RAB14: variants seen among roughly 807,000 people sequenced by gnomAD.
RAB14 encodes RAB14, member RAS oncogene family.
RAB14 carries 3 observed loss-of-function variants against 31.1 expected under a neutral mutation model. The ratio of observed to expected loss-of-function variants is 0.10; its 90% confidence interval spans 0.04 to 0.25. RAB14 has a LOEUF of 0.25. RAB14 is among the 10% of genes least tolerant of loss of function. The probability of loss-of-function intolerance (pLI) is 1.00; values close to 1 mark genes in which losing one functional copy is unlikely to be tolerated. For missense variants in RAB14, 111 were observed against 260.1 expected (o/e 0.43, Z 3.94); for synonymous variants, 85 against 84.9 (o/e 1.00, Z 0.00).
intron 6 of RAB14, 53 bp downstream of exon 6, chr9:121,183,258 C>T (rs2053643278): frequency 7.0e-7 from 1 of 1,436,394 alleles, no homozygotes; most frequent in Non-Finnish European, 9.6e-7. Flanking sequence ...GTCAAGCCCA[C>T]CTTTCCTTAA....
At chr9:121,194,150 G>C (rs1441537704) in intron 1 of RAB14, among the ~76,000 whole-genome samples, 1 of 148,794 alleles carries the variant, frequency 6.7e-6, no homozygotes, top group African/African-American at 2.5e-5. Context: ...GACCAGGCTG[G>C]TCTTGGGTCT....
chr9:121,190,509 G>A, intron 4 of RAB14, 45 bp downstream of exon 4: 1 of 1,500,260 alleles, frequency 6.7e-7, no homozygotes, highest in Non-Finnish European at 9.0e-7. Context: ...AATGCCCAAA[G>A]TAGATTTATT....
In RAB14 at chr9:121,179,057, A is replaced by C. The variant is rs1455749427; in HGVS notation, c.*2339T>G. 6.6e-6 allele frequency: 1 copy of C among 152,220 alleles called. No individual in the cohort carries two copies. The highest frequency in any genetic ancestry group is 1.9e-4 in the East Asian group (1 of 5,204). The allele number at this position is 152,220 out of a possible 1,614,324, so 9.4% of individuals were successfully genotyped here. On this transcript the variant is annotated 3_prime_UTR_variant, in exon 8 of 8. Transcript: ENST00000373840. ...CAGTCAAAGGAGAACAGCATCAGCC[A>C]CCAAATGTGCTGATCTTACACTGAA...
At chr9:121,181,922 A>AT (rs2053635707) in intron 7 of RAB14, among the ~76,000 whole-genome samples, 1 of 151,392 alleles carries the variant, frequency 6.6e-6, no homozygotes, top group South Asian at 2.1e-4. Context: ...TAATTTTTGT[A>AT]TTTTTAGTAA....
At chr9:121,200,580 G>A (rs72760269) in intron 1 of RAB14, among the ~76,000 whole-genome samples, 11,207 of 152,206 alleles carry the variant, frequency 0.074, 445 homozygotes, top group Non-Finnish European at 0.097. Flanking sequence ...TGACTTTATG[G>A]ACTTTAGGTC....
chr9:121,194,388 A>C (rs1354219315), intron 1 of RAB14, among the ~76,000 whole-genome samples: 1 of 152,166 alleles, frequency 6.6e-6, no homozygotes, highest in African/African-American at 2.4e-5. Flanking sequence ...CTTACCCTCA[A>C]ATAGACTTAA....
chr9:121,193,769 T>C (rs183095004), intron 1 of RAB14, among the ~76,000 whole-genome samples: 1 of 152,264 alleles, frequency 6.6e-6, no homozygotes, highest in Non-Finnish European at 1.5e-5. Context: ...TAAATTTAAG[T>C]TAAACATCAC....
At chr9:121,183,646 T>C (rs1352165259) in intron 5 of RAB14, among the ~76,000 whole-genome samples, 5 of 152,248 alleles carry the variant, frequency 3.3e-5, no homozygotes, top group Non-Finnish European at 5.9e-5. Context: ...TTCTTCAGGT[T>C]TGTGGGCCTC....
At chr9:121,200,314 A>G (rs1327478571) in intron 1 of RAB14, among the ~76,000 whole-genome samples, 1 of 152,232 alleles carries the variant, frequency 6.6e-6, no homozygotes, top group Non-Finnish European at 1.5e-5. Context: ...TCAACAATCA[A>G]ATCTAAATAA....
At chr9:121,193,527 A>C in intron 1 of RAB14, 108 bp from the exon 2 acceptor site, 2 of 710,450 alleles carry the variant, frequency 2.8e-6, no homozygotes, top group Non-Finnish European at 4.7e-6. Flanking sequence ...ATACAAACAA[A>C]TGTTGGTTAC....
At position 121,183,404 on chromosome 9, in the gene RAB14, T is replaced by G. The variant is rs775025652; in HGVS notation, c.352-6A>C. On this transcript the variant is annotated splice_polypyrimidine_tract_variant and splice_region_variant and intron_variant, in intron 5 of 7. Coordinates refer to ENST00000373840, the MANE Select transcript of RAB14 (RefSeq NM_016322.4). ...TTTCCTATGAGAATTATTACCTAAT[T>G]TGTGATCAAAAGAAAGACACCTTGT... 6.3e-7 allele frequency: 1 copy of G among 1,583,126 alleles called. No homozygotes were observed. Among genetic ancestry groups the G allele is most frequent in the Admixed American group, 1.7e-5 (1 of 58,880 alleles).
intron 1 of RAB14, among the ~76,000 whole-genome samples, chr9:121,199,128 A>G (rs1472458874): frequency 1.3e-5 from 2 of 152,114 alleles, no homozygotes; most frequent in East Asian, 3.8e-4. Context: ...CAAAAAGCCA[A>G]AAAAAACCCC....
At chr9:121,190,860 C>A in intron 3 of RAB14, 129 bp from the exon 4 acceptor site, 3 of 841,526 alleles carry the variant, frequency 3.6e-6, no homozygotes, top group African/African-American at 1.8e-5. Context: ...CTAAAGCTAC[C>A]GCTAAAAAAA....
rs552352471 is a variant in RAB14 at position 121,179,744 on chromosome 9, A to C, written c.*1652T>G. The stretch of plus-strand genomic sequence containing the variant: ...CAGTTTTGGCTTTTATTTAACATTG[A>C]CTATACAATACTCTGGTACTACCAC... On this transcript the variant is annotated 3_prime_UTR_variant, in exon 8 of 8. Transcript: ENST00000373840. 1.3e-5 allele frequency: 2 copies of C among 152,778 alleles called. No individual in the cohort carries two copies. Among genetic ancestry groups the C allele is most frequent in the African/African-American group, 4.8e-5 (2 of 41,582 alleles). The allele number at this position is 152,778 out of a possible 1,614,324, so 9.5% of individuals were successfully genotyped here.
In RAB14 at chr9:121,181,435, G is replaced by A; in HGVS notation, c.609C>T (p.Thr203=). 1.9e-6 allele frequency: 3 copies of A among 1,611,168 alleles called. No homozygotes were observed. Among genetic ancestry groups the A allele is most frequent in the Non-Finnish European group, 2.5e-6 (3 of 1,177,750 alleles). The change falls in exon 8 of 8, where the codon ACC becomes ACT. Residue 203 remains threonine (T), a synonymous_variant. Transcript: ENST00000373840. ...CTTCTCTCTGGGGTTGGGGTTCACT[G>A]GTTAGCCGGCCTCCCTGCGGGGCTG... ...KPSAPQGGRL[T]SEPQPQREGC...
At chr9:121,181,629 A>G in intron 7 of RAB14, 56 bp from the exon 8 acceptor site, 1 of 1,404,302 alleles carries the variant, frequency 7.1e-7, no homozygotes, top group Admixed American at 1.9e-5. Flanking sequence ...AAAAGACAAG[A>G]CACTGACCTT....
chr9:121,183,392 T>G lies in RAB14; in HGVS notation c.358A>C (p.Ile120Leu). 2 of 1,597,624 alleles carry G rather than the reference T, an allele frequency of 1.3e-6. No individual in the cohort carries two copies. Among genetic ancestry groups the G allele is most frequent in the Non-Finnish European group, 1.7e-6 (2 of 1,167,496 alleles). Residue 120 changes from isoleucine to leucine, a missense_variant, in exon 6 of 8, where the codon ATT (isoleucine) becomes CTT (leucine). Ile to Leu is a conservative substitution (Grantham distance 5, BLOSUM62 2). Transcript: ENST00000373840. ...AAATCTGCTTTATTTCCTATGAGAA[T>G]TATTACCTAATTTGTGATCAAAAGA... ...RNLTNPNTVI[I>L]LIGNKADLEA... is the part of the protein sequence containing the mutation.
intron 1 of RAB14, among the ~76,000 whole-genome samples, chr9:121,200,228 CT>C (rs1349077717): frequency 6.6e-6 from 1 of 152,084 alleles, no homozygotes; most frequent in African/African-American, 2.4e-5. Flanking sequence ...CTAAACAGAA[CT>C]TGGAAGAAAA....
At chr9:121,182,848 ACAT>A in intron 7 of RAB14, 79 bp downstream of exon 7, 6 of 1,190,956 alleles carry the variant, frequency 5.0e-6, no homozygotes, top group Non-Finnish European at 7.2e-6. Context: ...ATGTGTATAT[ACAT>A]TATATACTTT....
Sources: gnomAD v4.1 joint callset for allele counts (sites outside exome capture counted in the v4.1 genomes callset) on GRCh38, gnomAD v4.1.1 for gene constraint, MANE v1.5 for transcripts, NCBI Gene and HGNC (gene_info 2026-07-23, HGNC 2026-07-21) for gene names.